The following PIDD1 variants were observed in gnomAD, a reference collection of about 807,000 sequenced individuals.
The protein encoded by PIDD1 is p53-induced death domain protein 1.
In PIDD1, 72 loss-of-function variants were observed where a neutral mutation model predicts 80.0. The observed-to-expected ratio is 0.90, with a 90% confidence interval of 0.74 to 1.09. PIDD1 has a LOEUF of 1.09. Among genes scored for constraint, PIDD1 ranks in the 50% least tolerant of loss-of-function variants. The probability of loss-of-function intolerance (pLI) is 0.00; values close to 1 mark genes in which losing one functional copy is unlikely to be tolerated. For synonymous variants in PIDD1, 655 were observed against 543.5 expected (o/e 1.21, Z -2.85); for missense variants, 1,329 against 1,228.3 (o/e 1.08, Z -1.23).
rs375529951 is a variant in PIDD1, at chr11:802,575, C to T, written c.942G>A (p.Met314Ile). The T allele has an allele frequency of 4.3e-6, 7 of 1,613,168 alleles. No individual in the cohort carries two copies. The highest frequency in any genetic ancestry group is 5.9e-6 in the Non-Finnish European group (7 of 1,179,730). ...SSPVAALIPE[M>I]PRLFLTSDLD... is the part of the protein sequence containing the mutation. ...AATCTGAGGTCAGGAACAGTCTGGG[C>T]ATTTCTGGAATGAGGGCTGCCACTG... is the stretch of plus-strand genomic sequence containing the variant. Residue 314 changes from methionine to isoleucine, a missense_variant, in exon 5 of 16, where the codon ATG becomes ATA. Physicochemically the swap from Met to Ile is conservative, Grantham distance 10 (BLOSUM62 1). Coordinates refer to ENST00000347755, the MANE Select transcript of PIDD1 (RefSeq NM_145886.4).
rs550203539 is a variant in PIDD1 at position 799,815 on chromosome 11, C to G, written c.2474G>C (p.Arg825Pro). 1.9e-6 allele frequency: 3 copies of G among 1,568,952 alleles called. No homozygotes were observed. The highest frequency in any genetic ancestry group is 2.6e-6 in the Non-Finnish European group (3 of 1,158,074). ...AGCCAGCGGGCAGTGGGAGCCTCACCGGAACTCGTGCCGGATGCGCTGCAC... is the reference window on the plus strand; with the variant it reads ...AGCCAGCGGGCAGTGGGAGCCTCACGGGAACTCGTGCCGGATGCGCTGCAC... Reference protein sequence around the residue: ...REVQRIRHEFRDDLDEQIRHM... With the variant: ...REVQRIRHEFPDDLDEQIRHM... Residue 825 changes from arginine to proline, a missense_variant and splice_region_variant, in exon 15 of 16, where the codon CGG (arginine) becomes CCG (proline). Physicochemically the swap from Arg to Pro is moderately radical, Grantham distance 103. Coordinates refer to ENST00000347755, the MANE Select transcript of PIDD1 (RefSeq NM_145886.4).
chr11:799,311 G>C lies in PIDD1; in HGVS notation c.2729C>G (p.Ala910Gly), dbSNP rs1244751260. 6.3e-7 allele frequency: 1 copy of C among 1,596,832 alleles called. No individual in the cohort carries two copies. Among genetic ancestry groups the C allele is most frequent in the East Asian group, 2.2e-5 (1 of 44,696 alleles). ...CAGCCTAAAAGTCTGTGGGGCCTAG[G>C]CCTGGGCAGGCTCTGGGGGCTGTGG... The part of the protein sequence containing the change: ...SAPQPPEPAQ[A>G] Residue 910 changes from alanine to glycine, a missense_variant, in exon 16 of 16, where the codon GCC (alanine) becomes GGC (glycine). Physicochemically the swap from Ala to Gly is moderately conservative, Grantham distance 60 (BLOSUM62 0). Coordinates refer to ENST00000347755, the MANE Select transcript of PIDD1 (RefSeq NM_145886.4).
rs151136652 is a variant in PIDD1, at chr11:800,589, G to A, written c.1995C>T (p.Gly665=). The A allele has an allele frequency of 2.8e-5, 45 of 1,587,476 alleles. No homozygotes were observed. Among genetic ancestry groups the A allele is most frequent in the Non-Finnish European group, 3.3e-5 (39 of 1,167,374 alleles). The stretch of plus-strand genomic sequence containing the variant: ...GCTCGAAGGCCGCAAAGAACTCTTC[G>A]CCCTCGAACATCTCCACCGTGTCAG... ...EPSDTVEMFE[G]EEFFAAFERG... Residue 665 remains glycine (G), a synonymous_variant, in exon 12 of 16, where the codon GGC becomes GGT. Transcript: ENST00000347755.
intron 5 of PIDD1, 68 bp downstream of exon 5, chr11:802,475 A>G (rs1338949994): frequency 1.3e-6 from 2 of 1,597,910 alleles, no homozygotes; most frequent in Non-Finnish European, 1.7e-6. Flanking sequence ...AACTCTGGAG[A>G]AGGTGTCGGA....
upstream of PIDD1, chr11:806,223 T>C (rs1865765165): frequency 6.6e-6 from 1 of 152,278 alleles, no homozygotes; most frequent in Admixed American, 6.5e-5. Flanking sequence ...AGCGGGCCTG[T>C]GCTTTATTCA....
chr11:799,716 A>G (rs1205164908), intron 15 of PIDD1, 99 bp downstream of exon 15: 2 of 1,368,464 alleles, frequency 1.5e-6, no homozygotes, highest in Non-Finnish European at 1.9e-6. Flanking sequence ...CCCTTCCCCC[A>G]CCTCCCCTGG....
chr11:801,107 G>T lies in PIDD1; in HGVS notation c.1644C>A (p.Asp548Glu). 6.4e-7 allele frequency: 1 copy of T among 1,565,898 alleles called. No individual in the cohort carries two copies. The highest frequency in any genetic ancestry group is 1.2e-5 in the South Asian group (1 of 84,254). The change falls in exon 10 of 16, where the codon GAC becomes GAA. Residue 548 changes from aspartate to glutamate, a missense_variant. By Grantham distance (45) the Asp-to-Glu change is conservative. Coordinates refer to ENST00000347755, the MANE Select transcript of PIDD1 (RefSeq NM_145886.4). The stretch of plus-strand genomic sequence containing the variant: ...AGTACAACAGGTGCAGGCGGGAGCG[G>T]TCCAGACTGAGGCCTGGGGATGGGA... Reference protein sequence around the residue: ...LPSGITGLSLDRSRLHLLYWA... With the variant: ...LPSGITGLSLERSRLHLLYWA...
At position 803,271 on chromosome 11, in the gene PIDD1, A is replaced by T. The variant is rs771775250; in HGVS notation, c.612T>A (p.Asn204Lys). The T allele has an allele frequency of 3.7e-6, 6 of 1,613,682 alleles. No homozygotes were observed. The highest frequency in any genetic ancestry group is 3.3e-5 in the Admixed American group (2 of 60,028). Residue 204 changes from asparagine to lysine, a missense_variant, in exon 3 of 16, where the codon AAT (asparagine) becomes AAA (lysine). Coordinates refer to ENST00000347755, the MANE Select transcript of PIDD1 (RefSeq NM_145886.4). ...STLQRLDLSQNLLDTLPPEIG... is the reference protein window; with the variant it reads ...STLQRLDLSQKLLDTLPPEIG... The stretch of plus-strand genomic sequence containing the variant: ...TCTCAGGAGGTAGCGTGTCCAGCAG[A>T]TTCTGAGAGAGATCGAGGCGCTGCA...
At chr11:802,469 C>G (rs1421912755) in intron 5 of PIDD1, 73 bp from the exon 6 acceptor site, 4 of 1,601,216 alleles carry the variant, frequency 2.5e-6, no homozygotes, top group Non-Finnish European at 3.4e-6. Flanking sequence ...CCCAGGAACT[C>G]TGGAGAAGGT....
Position 800,839 on chromosome 11 carries a change from G to A in PIDD1, c.1840C>T (p.His614Tyr), listed in dbSNP as rs1452983190. Reference protein sequence around the residue: ...ARKAWERLRLHRVNLIALQRR... With the variant: ...ARKAWERLRLYRVNLIALQRR... ...TGCAGAGCGATGAGGTTCACACGGT[G>A]CAGCCGCAGCCGCTCCCAGGCCTTC... The change falls in exon 11 of 16, where the codon CAC becomes TAC. Residue 614 changes from histidine (H) to tyrosine (Y), a missense_variant. Physicochemically the swap from His to Tyr is moderately conservative, Grantham distance 83. Coordinates refer to ENST00000347755, the MANE Select transcript of PIDD1 (RefSeq NM_145886.4). 6.4e-7 allele frequency: 1 copy of A among 1,567,404 alleles called. No individual in the cohort carries two copies. Among genetic ancestry groups the A allele is most frequent in the Non-Finnish European group, 8.6e-7 (1 of 1,156,564 alleles).
rs749728006 is a variant in PIDD1, at chr11:803,563, C to G, written c.320G>C (p.Gly107Ala). 2 of 1,611,038 alleles carry G rather than the reference C, an allele frequency of 1.2e-6. No homozygotes were observed. Among genetic ancestry groups the G allele is most frequent in the Admixed American group, 3.3e-5 (2 of 59,848 alleles). Reference protein sequence around the residue: ...LKGGQRRDTLGACLRGALTNL... With the variant: ...LKGGQRRDTLAACLRGALTNL... ...GGTCAGGGCACCCCGGAGACAGGCA[C>G]CCAGTGTGTCCCGGCGTTGCCCTCC... The change falls in exon 3 of 16, where the codon GGT becomes GCT. Residue 107 changes from glycine (G) to alanine (A), a missense_variant. Gly to Ala is a moderately conservative substitution (Grantham distance 60). Transcript: ENST00000347755.
At chr11:801,901 C>T (rs1865368610) in intron 7 of PIDD1, 64 bp downstream of exon 7, 1 of 1,573,708 alleles carries the variant, frequency 6.4e-7, no homozygotes, top group African/African-American at 1.3e-5. Flanking sequence ...AGGCTCTGGG[C>T]AGAGGTGCAC....
In PIDD1 at chr11:802,416, G is replaced by T; in HGVS notation, c.975-20C>A. On this transcript the variant is annotated intron_variant, in intron 5 of 15. Coordinates refer to ENST00000347755, the MANE Select transcript of PIDD1 (RefSeq NM_145886.4). ...GGAAAGCTGAGTGAGGAAGGAGCGA[G>T]CAACAGGTTAGACCCAGAAGGGCCT... 1 of 1,608,756 alleles carries T rather than the reference G, an allele frequency of 6.2e-7. No individual in the cohort carries two copies. The highest frequency in any genetic ancestry group is 8.5e-7 in the Non-Finnish European group (1 of 1,176,582).
rs1400100892 is a variant in PIDD1, at chr11:804,433, G to C, written c.-45C>G. The C allele has an allele frequency of 6.5e-7, 1 of 1,539,828 alleles. No individual in the cohort carries two copies. The highest frequency in any genetic ancestry group is 2.3e-5 in the East Asian group (1 of 44,054). ...GAGGCCAGACATGTCCCAGCACGCA[G>C]GCAGGCCTGTCCAGGCAGCGCCCGG... On this transcript the variant is annotated 5_prime_UTR_variant, in exon 2 of 16. Coordinates refer to ENST00000347755, the MANE Select transcript of PIDD1 (RefSeq NM_145886.4).
intron 15 of PIDD1, 124 bp downstream of exon 15, chr11:799,691 C>A (rs1865070634): frequency 7.2e-7 from 1 of 1,389,664 alleles, no homozygotes; most frequent in Non-Finnish European, 9.5e-7. Context: ...CCTTTCCTTT[C>A]CAGCCTGGTG....
At chr11:808,358 C>T (rs554586291), upstream of PIDD1, among the ~76,000 whole-genome samples, 19 of 151,812 alleles carry the variant, frequency 1.3e-4, no homozygotes, top group South Asian at 3.7e-3. Context: ...ACCCAGGAGG[C>T]AGAGGTTGCA....
upstream of PIDD1, chr11:806,008 A>T (rs927028992): frequency 6.6e-6 from 1 of 151,858 alleles, no homozygotes; most frequent in African/African-American, 2.4e-5. Flanking sequence ...CTGAGGCAGA[A>T]GAATGGCGTG....
In PIDD1 at chr11:801,124, G is replaced by A; in HGVS notation, c.1631-4C>T. 1 of 1,551,886 alleles carries A rather than the reference G, an allele frequency of 6.4e-7. No homozygotes were observed. Among genetic ancestry groups the A allele is most frequent in the Admixed American group, 1.8e-5 (1 of 54,310 alleles). On this transcript the variant is annotated splice_polypyrimidine_tract_variant and splice_region_variant and intron_variant, in intron 9 of 15. Transcript: ENST00000347755. ...CGGGAGCGGTCCAGACTGAGGCCTG[G>A]GGATGGGAGGGGCAGCGAGCTGAGG...
At chr11:808,162 C>T (rs370283516), upstream of PIDD1, among the ~76,000 whole-genome samples, 1 of 152,064 alleles carries the variant, frequency 6.6e-6, no homozygotes, top group East Asian at 1.9e-4. Flanking sequence ...CACAGTGGCT[C>T]GTGCCTGTAA....
Sources: allele counts gnomAD v4.1 joint callset (sites outside exome capture counted in the v4.1 genomes callset), GRCh38; gene constraint gnomAD v4.1.1; transcripts MANE v1.5; gene names NCBI Gene and HGNC (gene_info 2026-07-23, HGNC 2026-07-21).